Variants in GPC5 observed in about 807,000 individuals in gnomAD.
The protein encoded by GPC5 is glypican-5.
In GPC5, 47 loss-of-function variants were observed where a neutral mutation model predicts 53.9. The observed-to-expected ratio is 0.87, with a 90% CI of 0.69 to 1.11. The LOEUF (loss-of-function observed/expected upper bound fraction) is 1.11. GPC5 is among the 50% of genes most tolerant of loss of function. The pLI is 0.00. For synonymous variants in GPC5, 286 were observed against 263.3 expected, an observed-to-expected ratio of 1.09 and a Z score of -0.84; for missense variants, 748 against 713.1, an observed-to-expected ratio of 1.05 and a Z score of -0.56.
intron 7 of GPC5, among the ~76,000 whole-genome samples, chr13:92,237,048 CCCA>C (rs2042575799): frequency 6.6e-6 from 1 of 151,874 alleles, no homozygotes; most frequent in African/African-American, 2.4e-5. Context: ...ATGAAAACAC[CCCA>C]CAACTAATGC....
chr13:92,772,636 A>G (rs899009636), intron 7 of GPC5, among the ~76,000 whole-genome samples: 5 of 152,182 alleles, frequency 3.3e-5, no homozygotes, highest in African/African-American at 1.2e-4. Context: ...GTCATAGAGT[A>G]GTTTGCTTAT....
At chr13:91,426,229 G>A (rs1879037316) in intron 1 of GPC5, among the ~76,000 whole-genome samples, 1 of 151,854 alleles carries the variant, frequency 6.6e-6, no homozygotes. Context: ...TGTCTCTACG[G>A]CATGTCAGAG....
chr13:91,676,364 C>G (rs2035384230), intron 2 of GPC5, among the ~76,000 whole-genome samples: 1 of 152,172 alleles, frequency 6.6e-6, no homozygotes, highest in Non-Finnish European at 1.5e-5. Context: ...AGCCACCGCA[C>G]CCGGCCACCT....
intron 4 of GPC5, among the ~76,000 whole-genome samples, chr13:91,731,993 T>G (rs998921213): frequency 5.9e-5 from 9 of 152,236 alleles, no homozygotes; most frequent in Non-Finnish European, 1.3e-4. Flanking sequence ...GCAATAAACA[T>G]ACATGTGCAT....
intron 6 of GPC5, among the ~76,000 whole-genome samples, chr13:92,052,988 GA>G (rs2041043138): frequency 1.3e-5 from 2 of 152,174 alleles, no homozygotes; most frequent in Non-Finnish European, 2.9e-5. Flanking sequence ...AGAGGAAACA[GA>G]ATTTTACTGT....
At chr13:92,754,033 T>C (rs528066221) in intron 7 of GPC5, among the ~76,000 whole-genome samples, 1 of 152,218 alleles carries the variant, frequency 6.6e-6, no homozygotes, top group East Asian at 1.9e-4. Flanking sequence ...ATTGTCAGAT[T>C]CACCAAAGTT....
intron 7 of GPC5, among the ~76,000 whole-genome samples, chr13:92,372,456 C>A (rs2043658590): frequency 6.6e-6 from 1 of 152,122 alleles, no homozygotes; most frequent in African/African-American, 2.4e-5. Context: ...GCTTTTTATA[C>A]TCTTTTTATG....
At chr13:91,652,232 T>G (rs2034730558) in intron 2 of GPC5, among the ~76,000 whole-genome samples, 1 of 152,214 alleles carries the variant, frequency 6.6e-6, no homozygotes, top group East Asian at 1.9e-4. Flanking sequence ...TTCACCATGC[T>G]CTGTGGCTAT....
chr13:92,363,610 A>G (rs2043585809), intron 7 of GPC5, among the ~76,000 whole-genome samples: 1 of 151,724 alleles, frequency 6.6e-6, no homozygotes, highest in South Asian at 2.1e-4. Flanking sequence ...ACCTCCTGCT[A>G]TGCAGCCTGG....
intron 2 of GPC5, among the ~76,000 whole-genome samples, chr13:91,611,712 CCTGA>C (rs1023203811): frequency 1.6e-4 from 25 of 152,168 alleles, no homozygotes; most frequent in African/African-American, 6.0e-4. Flanking sequence ...GAATTGTTCT[CCTGA>C]CTGTCACCAG....
rs114812936 is a variant in GPC5, at chr13:91,846,574, A to G, written c.1281-61363A>G. Among the ~76,000 whole-genome samples the G allele has an allele frequency of 8.3e-3, 1,262 of 152,090 alleles. 17 individuals are homozygous for G. The highest frequency in any genetic ancestry group is 0.021 in the African/African-American group (852 of 41,510). ...AAGTGCAAGTTCACCGAGAGAAGTA[A>G]GTACTAGTATGACTAGGCTTGTCTA... On this transcript the variant is annotated intron_variant, in intron 5 of 7. Coordinates refer to ENST00000377067, the MANE Select transcript of GPC5 (RefSeq NM_004466.6).
At chr13:92,731,817 G>A (rs1888813609) in intron 7 of GPC5, among the ~76,000 whole-genome samples, 1 of 151,498 alleles carries the variant, frequency 6.6e-6, no homozygotes, top group South Asian at 2.1e-4. Context: ...TTAGACAACA[G>A]ATTATTAATA....
intron 7 of GPC5, among the ~76,000 whole-genome samples, chr13:92,815,863 G>A (rs1877455349): frequency 6.6e-6 from 1 of 151,952 alleles, no homozygotes; most frequent in African/African-American, 2.4e-5. Flanking sequence ...GCCATTTTCT[G>A]AAATGAGAAC....
intron 7 of GPC5, among the ~76,000 whole-genome samples, chr13:92,395,086 T>C (rs1041502397): frequency 6.6e-6 from 1 of 152,188 alleles, no homozygotes; most frequent in African/African-American, 2.4e-5. Context: ...TCTCCTTTAA[T>C]TGGTGTATTA....
At chr13:92,477,843 C>A (rs761642001) in intron 7 of GPC5, among the ~76,000 whole-genome samples, 3 of 151,792 alleles carry the variant, frequency 2.0e-5, no homozygotes, top group Admixed American at 6.6e-5. Context: ...TCATTCACTG[C>A]ACAGCCTACA....
chr13:92,470,369 A>AT (rs1044334292), intron 7 of GPC5, among the ~76,000 whole-genome samples: 5 of 152,010 alleles, frequency 3.3e-5, no homozygotes, highest in African/African-American at 9.7e-5. Flanking sequence ...CTTTTTTTAA[A>AT]TTTTTTTATT....
At chr13:92,512,165 T>G (rs557570495) in intron 7 of GPC5, among the ~76,000 whole-genome samples, 1 of 152,302 alleles carries the variant, frequency 6.6e-6, no homozygotes, top group South Asian at 2.1e-4. Flanking sequence ...AACTAAATTT[T>G]CTCCCCGATT....
intron 7 of GPC5, among the ~76,000 whole-genome samples, chr13:92,186,533 A>G (rs1256792206): frequency 6.6e-6 from 1 of 152,146 alleles, no homozygotes; most frequent in African/African-American, 2.4e-5. Flanking sequence ...GGCATGGGGA[A>G]TTAAACACAA....
chr13:92,438,594 T>G (rs1877420487), intron 7 of GPC5, among the ~76,000 whole-genome samples: 1 of 151,958 alleles, frequency 6.6e-6, no homozygotes, highest in South Asian at 2.1e-4. Context: ...TAATCCTGGC[T>G]TTAACATTCA....
Sources: allele counts gnomAD v4.1 joint callset (sites outside exome capture counted in the v4.1 genomes callset), GRCh38; gene constraint gnomAD v4.1.1; transcripts MANE v1.5; gene names NCBI Gene and HGNC (gene_info 2026-07-23, HGNC 2026-07-21).